PDE1A: variants seen among roughly 807,000 people sequenced by gnomAD.
PDE1A encodes dual specificity calcium/calmodulin-dependent 3',5'-cyclic nucleotide phosphodiesterase 1A.
In PDE1A, 35 loss-of-function variants were observed where a neutral mutation model predicts 61.7. That is an observed-to-expected ratio of 0.57 (90% confidence interval 0.43 to 0.75). The LOEUF (loss-of-function observed/expected upper bound fraction) is 0.75, where lower values mean the gene tolerates loss of function less well. PDE1A is among the 30% of genes least tolerant of loss of function. PDE1A has a pLI of 0.00. For missense variants in PDE1A, 597 were observed against 630.6 expected (o/e 0.95, Z 0.57); for synonymous variants, 232 against 213.2 (o/e 1.09, Z -0.77).
At chr2:182,155,084 CT>C (rs11375672) in intron 13 of PDE1A, among the ~76,000 whole-genome samples, 168 of 111,500 alleles carry the variant, frequency 1.5e-3, no homozygotes, top group African/African-American at 2.0e-3. Context: ...TTTAATTCTG[CT>C]TTTTTTTTTT....
chr2:182,443,132 C>G (rs182880157), intron 2 of PDE1A, among the ~76,000 whole-genome samples: 206 of 151,812 alleles, frequency 1.4e-3, no homozygotes, highest in Non-Finnish European at 2.1e-3. Flanking sequence ...CATTGTTTTT[C>G]TAATTTTCCT....
At chr2:182,352,653 G>GT (rs11405472) in intron 1 of PDE1A, among the ~76,000 whole-genome samples, 40,795 of 145,030 alleles carry the variant, frequency 0.28, 5,958 homozygotes, top group South Asian at 0.43. Context: ...TCACTCTGTT[G>GT]TTTTTTTTTT....
upstream of PDE1A, among the ~76,000 whole-genome samples, chr2:182,427,699 G>A (rs1452651874): frequency 1.3e-5 from 2 of 152,034 alleles, no homozygotes; most frequent in Non-Finnish European, 1.5e-5. Context: ...TTTACACTGC[G>A]GGAACTCTTA....
chr2:182,561,174 G>A, the PDE1A span, among the ~76,000 whole-genome samples: 1 of 151,602 alleles, frequency 6.6e-6, no homozygotes, highest in South Asian at 2.1e-4. Flanking sequence ...TTCTTCTAGG[G>A]TTTTTATGGT....
chr2:182,487,988 CACT>C (rs1287999429), intron 2 of PDE1A, among the ~76,000 whole-genome samples: 1 of 151,978 alleles, frequency 6.6e-6, no homozygotes, highest in Non-Finnish European at 1.5e-5. Context: ...CTGAATATAC[CACT>C]GTTTATAGTT....
intron 11 of PDE1A, among the ~76,000 whole-genome samples, chr2:182,187,908 C>A (rs768153130): frequency 2.6e-5 from 4 of 151,796 alleles, no homozygotes; most frequent in Non-Finnish European, 4.4e-5. Context: ...CCACGCCCGG[C>A]TAATTTTTTG....
chr2:182,155,950 T>C (rs924558752), intron 13 of PDE1A, among the ~76,000 whole-genome samples: 1 of 152,042 alleles, frequency 6.6e-6, no homozygotes, highest in African/African-American at 2.4e-5. Flanking sequence ...AATTGAATCA[T>C]GGTTGCAGTT....
chr2:182,505,295 C>T (rs1689334817), intron 2 of PDE1A, among the ~76,000 whole-genome samples: 1 of 152,206 alleles, frequency 6.6e-6, no homozygotes, highest in African/African-American at 2.4e-5. Context: ...ATAAGAAATT[C>T]ATTAATTCAG....
chr2:182,153,154 T>C (rs1230732121), intron 13 of PDE1A, among the ~76,000 whole-genome samples: 1 of 152,222 alleles, frequency 6.6e-6, no homozygotes, highest in Non-Finnish European at 1.5e-5. Flanking sequence ...AGTGAAATTA[T>C]ACTCAACTTG....
chr2:182,640,454 G>T, the PDE1A span, among the ~76,000 whole-genome samples: 1 of 152,122 alleles, frequency 6.6e-6, no homozygotes, highest in South Asian at 2.1e-4. Context: ...TAAATATTCT[G>T]ATTGTCCTAC....
the PDE1A span, among the ~76,000 whole-genome samples, chr2:182,534,796 A>T: frequency 6.6e-6 from 1 of 151,664 alleles, no homozygotes; most frequent in Non-Finnish European, 1.5e-5. Flanking sequence ...ATGTAGTTAA[A>T]TTTGTTGAAT....
chr2:182,475,026 C>A (rs917367086), intron 2 of PDE1A, among the ~76,000 whole-genome samples: 1 of 151,924 alleles, frequency 6.6e-6, no homozygotes, highest in Non-Finnish European at 1.5e-5. Flanking sequence ...CTTGTCACAG[C>A]ACTTTTAGAG....
intron 1 of PDE1A, among the ~76,000 whole-genome samples, chr2:182,381,595 C>T (rs560038390): frequency 7.2e-5 from 11 of 152,190 alleles, no homozygotes; most frequent in Middle Eastern, 6.8e-3. Flanking sequence ...GAGCAGATCA[C>T]GAGATCAGGA....
chr2:182,143,767 G>T (rs909425106), downstream of PDE1A, among the ~76,000 whole-genome samples: 4 of 152,054 alleles, frequency 2.6e-5, no homozygotes, highest in South Asian at 2.1e-4. Context: ...CACCCACCTC[G>T]GCCTACCAAA....
chr2:182,569,516 T>A, the PDE1A span, among the ~76,000 whole-genome samples: 1 of 152,030 alleles, frequency 6.6e-6, no homozygotes, highest in African/African-American at 2.4e-5. Context: ...AGCAGTAGGA[T>A]GGTAGAAGGA....
the PDE1A span, among the ~76,000 whole-genome samples, chr2:182,635,132 A>T: frequency 6.6e-6 from 1 of 152,126 alleles, no homozygotes; most frequent in Non-Finnish European, 1.5e-5. Flanking sequence ...TGGAAAAAAA[A>T]AAAAAGCTGA....
chr2:182,186,161 C>A, intron 12 of PDE1A, 82 bp from the exon 13 acceptor site: 2 of 1,450,544 alleles, frequency 1.4e-6, no homozygotes, highest in Non-Finnish European at 1.9e-6. Context: ...TTTACAAAAC[C>A]GACTAGAAAA....
chr2:182,218,187 C>T (rs1217839952), intron 7 of PDE1A, among the ~76,000 whole-genome samples: 1 of 148,338 alleles, frequency 6.7e-6, no homozygotes. Context: ...CCAAACACCG[C>T]ATATTCTCAC....
intron 1 of PDE1A, among the ~76,000 whole-genome samples, chr2:182,422,778 A>T (rs1703364054): frequency 6.6e-6 from 1 of 152,216 alleles, no homozygotes; most frequent in Admixed American, 6.6e-5. Flanking sequence ...AAAGGTTTTC[A>T]AAAGCCTAAA....
Sources: gnomAD v4.1 joint callset for allele counts (sites outside exome capture counted in the v4.1 genomes callset) on GRCh38, gnomAD v4.1.1 for gene constraint, MANE v1.5 for transcripts, NCBI Gene and HGNC (gene_info 2026-07-23, HGNC 2026-07-21) for gene names.